The following DNAH9 variants were observed in gnomAD, a reference collection of about 807,000 sequenced individuals.
DNAH9 encodes the protein dynein axonemal heavy chain 9.
A neutral mutation model predicts 471.6 loss-of-function variants in DNAH9; 345 were observed. That is an observed-to-expected ratio of 0.73 (90% CI 0.67 to 0.80). DNAH9 has a LOEUF of 0.80. DNAH9 is among the 30% of genes least tolerant of loss of function. The pLI is 0.00. For missense variants in DNAH9, 5,407 were observed against 5,609.2 expected (o/e 0.96, Z 1.15); for synonymous variants, 2,093 against 2,123.6 (o/e 0.99, Z 0.40).
intron 17 of DNAH9, among the ~76,000 whole-genome samples, chr17:11,678,490 G>T (rs1390433091): frequency 6.6e-6 from 1 of 152,176 alleles, no homozygotes; most frequent in African/African-American, 2.4e-5. Flanking sequence ...TTGTGGAGGG[G>T]AGAATTCAAG....
intron 55 of DNAH9, among the ~76,000 whole-genome samples, chr17:11,881,946 C>T (rs1404049789): frequency 6.6e-6 from 1 of 151,938 alleles, no homozygotes; most frequent in Non-Finnish European, 1.5e-5. Context: ...GGAGACTGGA[C>T]ACTCCTATGA....
chr17:11,598,581 TG>T lies in DNAH9; in HGVS notation c.87del (p.Thr30ProfsTer5), dbSNP rs1270404717. 1.5e-6 allele frequency: 2 copies of T among 1,336,360 alleles called. No homozygotes were observed. Among genetic ancestry groups the T allele is most frequent in the South Asian group, 1.6e-5 (1 of 61,268 alleles). 82.8% of individuals were successfully genotyped at this position (1,336,360 alleles called of 1,614,324 possible). A position where few individuals can be genotyped will look rare whatever the true frequency, so the allele number is the denominator to read the frequency against. On this transcript the variant is annotated frameshift_variant, in exon 1 of 69. Coordinates refer to ENST00000262442, the MANE Select transcript of DNAH9 (RefSeq NM_001372.4). LOFTEE classifies it high-confidence loss of function. ...EPGADRRLRL[L>X]GTYVAMSLRP... ...GGCGCCGACCGACGACTGCGACTCC[TG>T]GGGACCTACGTGGCCATGAGCCTGC...
intron 20 of DNAH9, among the ~76,000 whole-genome samples, chr17:11,691,990 G>A (rs933521138): frequency 1.3e-5 from 2 of 152,102 alleles, no homozygotes; most frequent in African/African-American, 2.4e-5. Flanking sequence ...TTTTAGTAGA[G>A]ACGAGGTTTC....
intron 27 of DNAH9, among the ~76,000 whole-genome samples, chr17:11,726,819 C>T (rs11656893): frequency 0.058 from 8,820 of 152,048 alleles, 363 homozygotes; most frequent in South Asian, 0.12. Flanking sequence ...GAGGCCAAGG[C>T]GGGTTGATTG....
rs1166364623 is a variant in DNAH9 at position 11,843,861 on chromosome 17, G to GTATATA, written c.9507+8964_9507+8965insATATAT. Reference sequence around the variant, plus strand: ...TGTGTTTGTGTGTGTGTGTGTGTGTGTGTATATATATATATATATATATAT... The same window carrying GTATATA: ...TGTGTTTGTGTGTGTGTGTGTGTGTGTATATATGTATATATATATATATATATATAT... On this transcript the variant is annotated intron_variant, in intron 49 of 68. Coordinates refer to ENST00000262442, the MANE Select transcript of DNAH9 (RefSeq NM_001372.4). Among the ~76,000 whole-genome samples, 23 of 54,184 alleles carry GTATATA rather than the reference G, an allele frequency of 4.2e-4. 2 individuals are homozygous for GTATATA. The highest frequency in any genetic ancestry group is 7.6e-4 in the African/African-American group (10 of 13,196). The allele number at this position is 54,184 out of a possible 152,430, so 35.5% of individuals were successfully genotyped here. A position where few individuals can be genotyped will look rare whatever the true frequency, so the allele number is the denominator to read the frequency against.
At chr17:11,936,226 AATCT>A (rs770616649) in intron 65 of DNAH9, among the ~76,000 whole-genome samples, 158 of 152,290 alleles carry the variant, frequency 1.0e-3, no homozygotes, top group Non-Finnish European at 1.9e-3. Context: ...AGGAATGGGC[AATCT>A]ATTAGGCTAG....
At chr17:11,930,843 G>T (rs1391748930) in intron 63 of DNAH9, among the ~76,000 whole-genome samples, 1 of 151,056 alleles carries the variant, frequency 6.6e-6, no homozygotes, top group Non-Finnish European at 1.5e-5. Flanking sequence ...CTGTTTTAAT[G>T]AACCCTCCAG....
At chr17:11,728,094 A>G (rs1317548669) in intron 28 of DNAH9, 172 bp downstream of exon 28, 5 of 590,952 alleles carry the variant, frequency 8.5e-6, no homozygotes, top group Non-Finnish European at 1.5e-5. Context: ...GTCCTCCAAA[A>G]TGGGTATCCT....
Position 11,699,757 on chromosome 17 carries a change from T to C in DNAH9, c.4899T>C (p.Phe1633=), listed in dbSNP as rs781766999. 19 of 1,614,034 alleles carry C rather than the reference T, an allele frequency of 1.2e-5. No individual in the cohort carries two copies. The highest frequency in any genetic ancestry group is 1.6e-4 in the Middle Eastern group (1 of 6,084). ...TTCAACGTCACCTTTCCAAACTCTT[T>C]GACAACATGGCCAAGATGCGATTCC... The part of the protein sequence containing the change: ...QQVQRHLSKL[F]DNMAKMRFQL... Residue 1633 remains phenylalanine, a synonymous_variant, in exon 23 of 69, where the codon TTT becomes TTC. Transcript: ENST00000262442.
At chr17:11,939,330 TTCAG>T (rs1239250696) in intron 66 of DNAH9, among the ~76,000 whole-genome samples, 2 of 152,228 alleles carry the variant, frequency 1.3e-5, no homozygotes, top group African/African-American at 4.8e-5. Context: ...CTTAGAATTC[TTCAG>T]TCAAGGTTCA....
Position 11,768,385 on chromosome 17 carries a change from C to T in DNAH9, c.7171-68C>T, listed in dbSNP as rs115026892. 709 of 1,503,406 alleles carry T rather than the reference C, an allele frequency of 4.7e-4. 3 individuals are homozygous for T. In the African/African-American group the frequency reaches 8.8e-3, roughly 19 times the overall value. The allele number at this position is 1,503,406 out of a possible 1,614,324, so 93.1% of individuals were successfully genotyped here. On this transcript the variant is annotated intron_variant, in intron 36 of 68. Transcript: ENST00000262442. ...CCTGCCCTGACCTTCTATCTGACGC[C>T]GTGGCCTCCTGTGTGGGCTTCTTGA...
chr17:11,714,093 T>C (rs2074918742), intron 26 of DNAH9, among the ~76,000 whole-genome samples: 1 of 152,206 alleles, frequency 6.6e-6, no homozygotes, highest in Non-Finnish European at 1.5e-5. Context: ...ACAAAAAATT[T>C]TCAAAGTTTA....
At chr17:11,945,642 G>C (rs965520394) in intron 67 of DNAH9, among the ~76,000 whole-genome samples, 1 of 152,144 alleles carries the variant, frequency 6.6e-6, no homozygotes, top group Middle Eastern at 3.4e-3. Flanking sequence ...GGTGGCAAAA[G>C]GTGGGAAGGA....
chr17:11,604,843 A>G (rs576134249), intron 1 of DNAH9, among the ~76,000 whole-genome samples: 11 of 152,164 alleles, frequency 7.2e-5, no homozygotes, highest in South Asian at 2.1e-4. Flanking sequence ...TATAGCACCA[A>G]CTTGGTAGGT....
chr17:11,883,486 C>T lies in DNAH9; in HGVS notation c.10807-100C>T. 4 of 1,430,412 alleles carry T rather than the reference C, an allele frequency of 2.8e-6. 1 individual carries two copies. The highest frequency in any genetic ancestry group is 4.5e-4 in the Middle Eastern group (2 of 4,420). 88.6% of individuals were successfully genotyped at this position (1,430,412 alleles called of 1,614,324 possible). On this transcript the variant is annotated intron_variant, in intron 55 of 68. Transcript: ENST00000262442. ...TCTTTGCCATTCTGCCTCCACTTTA[C>T]TATCTTTAAGGCAAGGGACTCTCGC...
In DNAH9 at chr17:11,834,772, A is replaced by G. The variant is rs1970791345; in HGVS notation, c.9381A>G (p.Glu3127=). Residue 3127 remains glutamate, a synonymous_variant, in exon 49 of 69, where the codon GAA becomes GAG. Coordinates refer to ENST00000262442, the MANE Select transcript of DNAH9 (RefSeq NM_001372.4). ...KVSREKAMAD[E]EEQKVAVIML... ...GCAGAGAGAAAGCCATGGCAGATGA[A>G]GAGGAGCAGAAGGTGGCCGTCATCA... The G allele has an allele frequency of 6.2e-7, 1 of 1,614,150 alleles. No homozygotes were observed.
intron 58 of DNAH9, among the ~76,000 whole-genome samples, chr17:11,893,883 GAAAAT>G (rs1973140402): frequency 6.6e-6 from 1 of 152,140 alleles, no homozygotes; most frequent in Admixed American, 6.5e-5. Flanking sequence ...TAAAAGAAAA[GAAAAT>G]AAACTACTTA....
At chr17:11,601,074 T>C (rs2072375834) in intron 1 of DNAH9, among the ~76,000 whole-genome samples, 1 of 152,218 alleles carries the variant, frequency 6.6e-6, no homozygotes, top group South Asian at 2.1e-4. Flanking sequence ...CTGACTTATG[T>C]CACTTAGCAT....
chr17:11,694,720 C>T (rs113936113), intron 22 of DNAH9, among the ~76,000 whole-genome samples: 201 of 4,610 alleles, frequency 0.044, 87 homozygotes, highest in African/African-American at 0.055. Flanking sequence ...CTCTCTCTCT[C>T]TCTCTCTTTC....
Sources: gnomAD v4.1 joint callset for allele counts (sites outside exome capture counted in the v4.1 genomes callset) on GRCh38, gnomAD v4.1.1 for gene constraint, MANE v1.5 for transcripts, NCBI Gene and HGNC (gene_info 2026-07-23, HGNC 2026-07-21) for gene names.